DTNB: variants seen among roughly 807,000 people sequenced by gnomAD.
DTNB encodes the protein DTN-B.
Under a neutral mutation model 90.7 loss-of-function variants are expected in DTNB, and 63 were observed. The ratio of observed to expected loss-of-function variants is 0.69; its 90% CI spans 0.57 to 0.86. The LOEUF is 0.86. Ranked by LOEUF, DTNB falls within the 40% of genes least tolerant of loss-of-function variation. The probability of loss-of-function intolerance (pLI) is 0.00; values close to 1 mark genes in which losing one functional copy is unlikely to be tolerated. For missense variants in DTNB, 744 were observed against 807.1 expected, an observed-to-expected ratio of 0.92 and a Z score of 0.95; for synonymous variants, 277 against 286.7, an observed-to-expected ratio of 0.97 and a Z score of 0.34.
chr2:25,568,344 T>C (rs1457121535), intron 8 of DTNB, among the ~76,000 whole-genome samples: 1 of 151,870 alleles, frequency 6.6e-6, no homozygotes, highest in Non-Finnish European at 1.5e-5. Flanking sequence ...ACCACACAAT[T>C]AATAGGAGCT....
intron 6 of DTNB, among the ~76,000 whole-genome samples, chr2:25,595,480 A>T (rs1336379305): frequency 1.3e-5 from 2 of 151,932 alleles, no homozygotes; most frequent in East Asian, 3.9e-4. Context: ...TGGACGCTGC[A>T]GCCAGTGTCT....
chr2:25,617,128 T>C (rs1437799987), intron 4 of DTNB, among the ~76,000 whole-genome samples: 1 of 152,122 alleles, frequency 6.6e-6, no homozygotes, highest in African/African-American at 2.4e-5. Context: ...TCCCTCCACC[T>C]GTATGCACTT....
chr2:25,439,317 C>T (rs779285060), intron 12 of DTNB, among the ~76,000 whole-genome samples: 6 of 151,920 alleles, frequency 3.9e-5, no homozygotes, highest in Middle Eastern at 3.2e-3. Flanking sequence ...CTGGTCAACA[C>T]GGCAAAACCC....
chr2:25,425,683 T>G (rs1179506943), intron 15 of DTNB, among the ~76,000 whole-genome samples: 1 of 152,224 alleles, frequency 6.6e-6, no homozygotes, highest in Non-Finnish European at 1.5e-5. Flanking sequence ...CTCCACACTT[T>G]GTGATTTTCT....
At chr2:25,438,875 C>G (rs7589394) in intron 12 of DTNB, among the ~76,000 whole-genome samples, 45,264 of 152,072 alleles carry the variant, frequency 0.3, 8,037 homozygotes, top group East Asian at 0.63. Flanking sequence ...ATGAAAATGG[C>G]ACTTTACCTT....
At position 25,471,283 on chromosome 2, in the gene DTNB, TG is replaced by T. The variant is rs538916364; in HGVS notation, c.1079+11512del. 7.7e-3 allele frequency among the ~76,000 whole-genome samples: 1,170 copies of T among 152,292 alleles called. 9 individuals carry two copies. The highest frequency in any genetic ancestry group is 0.014 in the Middle Eastern group (4 of 294). ...ACTGTTCACCACTACTCACCTTTCC[TG>T]TGCTTATCTACCCAGCGGGGTCTCG... On this transcript the variant is annotated intron_variant, in intron 10 of 20. Transcript: ENST00000406818.
At chr2:25,620,142 G>A (rs1038027053) in intron 4 of DTNB, among the ~76,000 whole-genome samples, 1 of 152,196 alleles carries the variant, frequency 6.6e-6, no homozygotes, top group African/African-American at 2.4e-5. Context: ...TGTGGGAGCT[G>A]AGGGGGAACA....
At chr2:25,432,861 C>T in intron 14 of DTNB, 25 bp downstream of exon 14, 1 of 1,569,876 alleles carries the variant, frequency 6.4e-7, no homozygotes. Flanking sequence ...TTACATGTGG[C>T]AAGTGGTAGA....
At chr2:25,528,911 C>T (rs1432311724) in intron 9 of DTNB, among the ~76,000 whole-genome samples, 1 of 152,106 alleles carries the variant, frequency 6.6e-6, no homozygotes, top group Non-Finnish European at 1.5e-5. Flanking sequence ...TAAATAAATG[C>T]AAAGACACAT....
intron 8 of DTNB, among the ~76,000 whole-genome samples, chr2:25,545,942 T>G (rs1398301552): frequency 6.6e-6 from 1 of 152,192 alleles, no homozygotes; most frequent in African/African-American, 2.4e-5. Context: ...ATTTTTAACT[T>G]GCGAACCCTG....
chr2:25,412,118 T>G (rs1183174642), intron 16 of DTNB, among the ~76,000 whole-genome samples: 1 of 152,186 alleles, frequency 6.6e-6, no homozygotes, highest in African/African-American at 2.4e-5. Flanking sequence ...TCTCTTAAAC[T>G]TACAAAGTTA....
At chr2:25,382,887 G>A (rs907107787) in intron 19 of DTNB, among the ~76,000 whole-genome samples, 7 of 152,128 alleles carry the variant, frequency 4.6e-5, no homozygotes, top group African/African-American at 1.7e-4. Context: ...ATTTCCTCAT[G>A]GGTAAAATGG....
chr2:25,420,266 T>G (rs929385109), intron 15 of DTNB, among the ~76,000 whole-genome samples: 51 of 141,704 alleles, frequency 3.6e-4, no homozygotes, highest in African/African-American at 1.4e-3. Context: ...CACAGTCTTT[T>G]TTTTTTTTTT....
intron 16 of DTNB, among the ~76,000 whole-genome samples, chr2:25,416,276 G>A (rs1228692188): frequency 6.6e-6 from 1 of 152,194 alleles, no homozygotes; most frequent in Non-Finnish European, 1.5e-5. Context: ...AAGCAAGAAG[G>A]TGGACACTAT....
At chr2:25,536,840 T>G (rs2079935381) in intron 8 of DTNB, among the ~76,000 whole-genome samples, 1 of 152,108 alleles carries the variant, frequency 6.6e-6, no homozygotes, top group Admixed American at 6.5e-5. Context: ...CCTCCCGGGT[T>G]CAAGCAATTC....
intron 16 of DTNB, among the ~76,000 whole-genome samples, chr2:25,414,237 C>T (rs1337506059): frequency 2.0e-5 from 3 of 152,068 alleles, no homozygotes; most frequent in African/African-American, 7.2e-5. Context: ...TGCCTGTTCA[C>T]TCTGATGGTA....
At chr2:25,550,832 T>A (rs142026028) in intron 8 of DTNB, among the ~76,000 whole-genome samples, 160 of 152,298 alleles carry the variant, frequency 1.1e-3, no homozygotes, top group African/African-American at 3.7e-3. Context: ...GTATTTTTAG[T>A]AGAGATGGGG....
chr2:25,437,834 C>T (rs995806831), intron 12 of DTNB, among the ~76,000 whole-genome samples: 50 of 152,308 alleles, frequency 3.3e-4, no homozygotes, highest in African/African-American at 1.2e-3. Context: ...ACTGCTCTAC[C>T]AGTTAGGGAT....
At chr2:25,670,246 GCT>G (rs2085510056) in intron 1 of DTNB, among the ~76,000 whole-genome samples, 2 of 152,136 alleles carry the variant, frequency 1.3e-5, no homozygotes, top group South Asian at 4.1e-4. Flanking sequence ...AAAAAACTCT[GCT>G]CTTTTTTTAT....
Sources: gnomAD v4.1 joint callset for allele counts (sites outside exome capture counted in the v4.1 genomes callset) on GRCh38, gnomAD v4.1.1 for gene constraint, MANE v1.5 for transcripts, NCBI Gene and HGNC (gene_info 2026-07-23, HGNC 2026-07-21) for gene names.